CARMIL1: variants seen among roughly 807,000 people sequenced by gnomAD.
The protein encoded by CARMIL1 is capping protein regulator and myosin 1 linker 1.
In CARMIL1, 90 loss-of-function variants were observed where a neutral mutation model predicts 177.1. The observed-to-expected ratio is 0.51, with a 90% confidence interval of 0.43 to 0.61. CARMIL1 has a LOEUF of 0.61. Among genes scored for constraint, CARMIL1 ranks in the 20% least tolerant of loss-of-function variants. The pLI is 0.00. For synonymous variants in CARMIL1, 577 were observed against 606.2 expected, an observed-to-expected ratio of 0.95 and a Z score of 0.71; for missense variants, 1,380 against 1,667.0, an observed-to-expected ratio of 0.83 and a Z score of 3.00.
intron 2 of CARMIL1, among the ~76,000 whole-genome samples, chr6:25,325,034 G>C (rs1784962090): frequency 6.6e-6 from 1 of 152,148 alleles, no homozygotes. Flanking sequence ...CTGCTTTGGA[G>C]CTTGCTTTCC....
chr6:25,432,903 T>C (rs1485757168), intron 4 of CARMIL1: 3 of 87,210 alleles, frequency 3.4e-5, no homozygotes, highest in Non-Finnish European at 8.2e-5. Flanking sequence ...ATGGCTTATA[T>C]CTCTATTATT....
chr6:25,310,203 A>T (rs1436058041), intron 2 of CARMIL1, among the ~76,000 whole-genome samples: 2 of 152,120 alleles, frequency 1.3e-5, no homozygotes, highest in Admixed American at 1.3e-4. Flanking sequence ...GATCCCCTAG[A>T]TGTCTTGCCT....
chr6:25,568,410 G>A (rs1582390977), intron 29 of CARMIL1, among the ~76,000 whole-genome samples: 2 of 152,298 alleles, frequency 1.3e-5, no homozygotes, highest in African/African-American at 4.8e-5. Flanking sequence ...ACCACATGGT[G>A]CTCTATTCTG....
At chr6:25,287,499 A>G (rs1781607870) in intron 2 of CARMIL1, 1 of 152,900 alleles carries the variant, frequency 6.5e-6, no homozygotes, top group African/African-American at 2.4e-5. Context: ...AGTTGTGATC[A>G]ATTAGTTGTA....
intron 8 of CARMIL1, chr6:25,452,381 A>G (rs1799058340): frequency 3.3e-6 from 2 of 603,986 alleles, no homozygotes; most frequent in Non-Finnish European, 5.9e-6. Flanking sequence ...GTATTTTCCA[A>G]TAAAACAAGA....
At chr6:25,441,371 G>GTC (rs1491379629) in intron 5 of CARMIL1, among the ~76,000 whole-genome samples, 2 of 122,852 alleles carry the variant, frequency 1.6e-5, no homozygotes, top group African/African-American at 3.1e-5. Flanking sequence ...GTGTGTGTGT[G>GTC]TCTATGTGTG....
Position 25,449,916 on chromosome 6 carries a change from C to G in CARMIL1, c.390C>G (p.Val130=). 6.2e-7 allele frequency: 1 copy of G among 1,606,366 alleles called. No individual in the cohort carries two copies. The highest frequency in any genetic ancestry group is 8.5e-7 in the Non-Finnish European group (1 of 1,175,454). ...GLSPVRIMKK[V]SMEPSERLAS... is the part of the protein sequence containing the mutation. The stretch of plus-strand genomic sequence containing the variant: ...CTTACAGGAGAATCATGAAAAAAGT[C>G]TCCATGGAGCCATCTGAGCGCCTGG... Residue 130 remains valine (V), a synonymous_variant, in exon 6 of 37, where the codon GTC becomes GTG. Coordinates refer to ENST00000329474, the MANE Select transcript of CARMIL1 (RefSeq NM_017640.6).
In CARMIL1 at chr6:25,279,598, C is replaced by G. The variant is rs1780906314; in HGVS notation, c.-198C>G. The G allele has an allele frequency of 1.6e-6, 1 of 611,342 alleles. No homozygotes were observed. The highest frequency in any genetic ancestry group is 1.9e-5 in the African/African-American group (1 of 52,658). The allele number at this position is 611,342 out of a possible 1,614,324, so 37.9% of individuals were successfully genotyped here. A position where few individuals can be genotyped will look rare whatever the true frequency, so the allele number is the denominator to read the frequency against. ...TGTAGCAGCAGCAGCAAATCCGCCT[C>G]GCATTTGCAACTCTTTTTTTTTTTT... On this transcript the variant is annotated 5_prime_UTR_variant, in exon 1 of 37. Transcript: ENST00000329474.
intron 8 of CARMIL1, among the ~76,000 whole-genome samples, chr6:25,461,066 T>C (rs1800075625): frequency 1.3e-5 from 2 of 152,336 alleles, no homozygotes; most frequent in South Asian, 4.1e-4. Context: ...TTGATTGGCA[T>C]TGCATTACAT....
At chr6:25,309,860 C>G (rs1283204650) in intron 2 of CARMIL1, among the ~76,000 whole-genome samples, 1 of 150,880 alleles carries the variant, frequency 6.6e-6, no homozygotes, top group Non-Finnish European at 1.5e-5. Context: ...AGCTCCGTCT[C>G]CTGGGTTCAA....
intron 2 of CARMIL1, among the ~76,000 whole-genome samples, chr6:25,343,245 A>G (rs1023840693): frequency 1.3e-5 from 2 of 151,754 alleles, no homozygotes; most frequent in Non-Finnish European, 2.9e-5. Context: ...ATTAGAGAGG[A>G]TTTAAATTTA....
chr6:25,434,363 G>C (rs1273937741), intron 4 of CARMIL1, among the ~76,000 whole-genome samples: 1 of 152,092 alleles, frequency 6.6e-6, no homozygotes, highest in Non-Finnish European at 1.5e-5. Flanking sequence ...AGGACTAGCT[G>C]TCTCAGTCTC....
chr6:25,481,996 G>A lies in CARMIL1; in HGVS notation c.875-261G>A, dbSNP rs749665032. ...AGAACTGTGAGAAAAAGAGTGACAC[G>A]TGGCCCCAAGAAAAGTATCTCCAAT... On this transcript the variant is annotated intron_variant, in intron 11 of 36. Transcript: ENST00000329474. Among the ~76,000 whole-genome samples, 275 of 152,274 alleles carry A rather than the reference G, an allele frequency of 1.8e-3. 1 individual carries two copies. The highest frequency in any genetic ancestry group is 2.0e-3 in the African/African-American group (82 of 41,576).
chr6:25,519,115 T>G (rs1420632925), intron 22 of CARMIL1, among the ~76,000 whole-genome samples: 13 of 152,230 alleles, frequency 8.5e-5, no homozygotes, highest in African/African-American at 2.9e-4. Flanking sequence ...TTTTCTTTAT[T>G]ATTTATTCTT....
chr6:25,319,401 G>A (rs984271253), intron 2 of CARMIL1, among the ~76,000 whole-genome samples: 2 of 151,964 alleles, frequency 1.3e-5, no homozygotes, highest in African/African-American at 2.4e-5. Context: ...GTGTATTGTA[G>A]CATGCATTCT....
chr6:25,373,816 C>G (rs1790698239), intron 2 of CARMIL1, among the ~76,000 whole-genome samples: 1 of 152,130 alleles, frequency 6.6e-6, no homozygotes. Context: ...ATCTCCTGAC[C>G]TCGTGATCCG....
At chr6:25,569,425 G>A (rs937941667) in intron 29 of CARMIL1, among the ~76,000 whole-genome samples, 5 of 152,166 alleles carry the variant, frequency 3.3e-5, no homozygotes, top group African/African-American at 1.2e-4. Context: ...CACTTGCTCT[G>A]TGGTTAAAAA....
chr6:25,440,644 C>G (rs1797659852), intron 5 of CARMIL1, among the ~76,000 whole-genome samples: 1 of 152,082 alleles, frequency 6.6e-6, no homozygotes, highest in Non-Finnish European at 1.5e-5. Flanking sequence ...CCTACATTCC[C>G]AGTATGCCTT....
At position 25,374,430 on chromosome 6, in the gene CARMIL1, G is replaced by A. The variant is rs981103211; in HGVS notation, c.139-45684G>A. Among the ~76,000 whole-genome samples, 3 of 152,168 alleles carry A rather than the reference G, an allele frequency of 2.0e-5. No homozygotes were observed. In the East Asian group the frequency reaches 5.8e-4, roughly 29 times the overall value. On this transcript the variant is annotated intron_variant, in intron 2 of 36. Transcript: ENST00000329474. ...GATTTTTTAAAATTTATCAAGGCTT[G>A]TTTTGTGGCCTATCATATGATGTGT...
Sources: allele counts gnomAD v4.1 joint callset (sites outside exome capture counted in the v4.1 genomes callset), GRCh38; gene constraint gnomAD v4.1.1; transcripts MANE v1.5; gene names NCBI Gene and HGNC (gene_info 2026-07-23, HGNC 2026-07-21).